CEP164: variants seen among roughly 807,000 people sequenced by gnomAD.
The protein encoded by CEP164 is centrosomal protein 164.
CEP164 carries 162 observed loss-of-function variants against 182.7 expected under a neutral mutation model. The observed-to-expected ratio is 0.89, with a 90% confidence interval of 0.78 to 1.01. CEP164 has a LOEUF of 1.01. CEP164 is among the 50% of genes least tolerant of loss of function. CEP164 has a pLI of 0.00. For missense variants in CEP164, 1,735 were observed against 1,790.4 expected, an observed-to-expected ratio of 0.97 and a Z score of 0.56; for synonymous variants, 661 against 690.0, an observed-to-expected ratio of 0.96 and a Z score of 0.66.
intron 4 of CEP164, among the ~76,000 whole-genome samples, chr11:117,346,331 C>T (rs1364831607): frequency 1.3e-5 from 2 of 151,842 alleles, no homozygotes; most frequent in African/African-American, 2.4e-5. Flanking sequence ...TGCAATGGCG[C>T]AATCTTGGCT....
chr11:117,322,601 A>G (rs2035287616), intron 1 of CEP164, among the ~76,000 whole-genome samples: 1 of 151,348 alleles, frequency 6.6e-6, no homozygotes, highest in South Asian at 2.1e-4. Context: ...TTGTTGCCCA[A>G]GCTGGAGTGC....
intron 8 of CEP164, among the ~76,000 whole-genome samples, chr11:117,367,014 GA>G (rs1265528842): frequency 6.6e-6 from 1 of 152,252 alleles, no homozygotes; most frequent in Non-Finnish European, 1.5e-5. Context: ...GGAGGAGACA[GA>G]AGGAATGTGA....
At chr11:117,351,264 CG>C (rs1438157489) in intron 4 of CEP164, among the ~76,000 whole-genome samples, 2 of 152,154 alleles carry the variant, frequency 1.3e-5, no homozygotes, top group African/African-American at 4.8e-5. Context: ...CTCCCGACCT[CG>C]GCCTCCCAAA....
intron 27 of CEP164, among the ~76,000 whole-genome samples, chr11:117,407,481 G>GAAAAAAAAAAAAAAAAAAAAAAAAAAAA (rs2046836799): frequency 9.1e-6 from 1 of 109,892 alleles, no homozygotes; most frequent in Admixed American, 9.7e-5. Flanking sequence ...AAAAAAAAAA[G>GAAAAAAAAAAAAAAAAAAAAAAAAAAAA]AGAAAAAGAA....
chr11:117,334,785 A>C (rs893172528), intron 1 of CEP164, among the ~76,000 whole-genome samples: 1 of 38,586 alleles, frequency 2.6e-5, no homozygotes, highest in East Asian at 1.7e-3. Context: ...ACTTCGTTTC[A>C]AAAAAAAAAA....
chr11:117,336,388 G>A, intron 2 of CEP164: 1 of 1,399,074 alleles, frequency 7.1e-7, no homozygotes, highest in South Asian at 1.2e-5. Flanking sequence ...GGCAGGCGGT[G>A]GGTATGGAGG....
At chr11:117,366,203 C>T (rs570700506) in intron 8 of CEP164, among the ~76,000 whole-genome samples, 37 of 152,122 alleles carry the variant, frequency 2.4e-4, no homozygotes, top group African/African-American at 8.7e-4. Flanking sequence ...CTGCTTGGTC[C>T]CTGCTCTTTG....
At position 117,351,868 on chromosome 11, in the gene CEP164, C is replaced by G. The variant is rs781358810; in HGVS notation, c.273C>G (p.His91Gln). ...QSMWDHPCDE[H>Q]YRSLVIQERA... ...TGTGGGACCATCCATGTGACGAACA[C>G]TATCGGAGCTTGGTGATCCAAGAGC... Residue 91 changes from histidine to glutamine, a missense_variant, in exon 5 of 33, where the codon CAC (histidine) becomes CAG (glutamine). His to Gln is a conservative substitution (Grantham distance 24). Coordinates refer to ENST00000278935, the MANE Select transcript of CEP164 (RefSeq NM_014956.5). The G allele has an allele frequency of 6.2e-7, 1 of 1,613,794 alleles. No individual in the cohort carries two copies. The highest frequency in any genetic ancestry group is 1.1e-5 in the South Asian group (1 of 91,058).
intron 3 of CEP164, among the ~76,000 whole-genome samples, chr11:117,339,522 GTTTTTTTTTTTT>G (rs61258101): frequency 3.6e-5 from 2 of 56,190 alleles, no homozygotes; most frequent in East Asian, 7.4e-4. Context: ...TTTGTTTTTT[GTTTTTTTTTTTT>G]TTTTTTTTTT....
At chr11:117,406,108 A>G (rs2046645931) in intron 27 of CEP164, among the ~76,000 whole-genome samples, 1 of 152,128 alleles carries the variant, frequency 6.6e-6, no homozygotes, top group Non-Finnish European at 1.5e-5. Context: ...CCTGGTACCA[A>G]CTTACTGTAT....
At chr11:117,358,988 A>C (rs2040628139) in intron 5 of CEP164, among the ~76,000 whole-genome samples, 1 of 148,196 alleles carries the variant, frequency 6.7e-6, no homozygotes, top group Non-Finnish European at 1.5e-5. Flanking sequence ...TCTGTAACCC[A>C]GGCTGGAGTG....
intron 5 of CEP164, 26 bp from the exon 6 acceptor site, chr11:117,361,809 G>A: frequency 6.2e-7 from 1 of 1,613,982 alleles, no homozygotes; most frequent in Non-Finnish European, 8.5e-7. Flanking sequence ...TTCTTGAGTT[G>A]TAACAAGATG....
intron 5 of CEP164, among the ~76,000 whole-genome samples, chr11:117,358,685 T>C (rs2040587839): frequency 6.6e-6 from 1 of 152,000 alleles, no homozygotes; most frequent in Admixed American, 6.6e-5. Context: ...TGTGTACCAC[T>C]ATACCCAGCT....
At chr11:117,362,674 T>A in intron 7 of CEP164, 136 bp downstream of exon 7, 1 of 913,598 alleles carries the variant, frequency 1.1e-6, no homozygotes, top group Non-Finnish European at 1.6e-6. Flanking sequence ...TAAAATTCAG[T>A]GGTATTAATT....
intron 14 of CEP164, among the ~76,000 whole-genome samples, chr11:117,384,309 A>G (rs1210956868): frequency 5.3e-5 from 8 of 152,212 alleles, no homozygotes; most frequent in African/African-American, 1.4e-4. Context: ...ATAACATTGC[A>G]GGAGTGGTGT....
At chr11:117,348,071 GCGA>G (rs1390587843) in intron 4 of CEP164, among the ~76,000 whole-genome samples, 5 of 152,048 alleles carry the variant, frequency 3.3e-5, no homozygotes, top group African/African-American at 1.2e-4. Context: ...CCGGGTTCAA[GCGA>G]TCCTCCCACC....
At chr11:117,354,161 C>T (rs1024268827) in intron 5 of CEP164, among the ~76,000 whole-genome samples, 1 of 151,924 alleles carries the variant, frequency 6.6e-6, no homozygotes, top group Non-Finnish European at 1.5e-5. Context: ...GGACTACAGG[C>T]GCCCACCACC....
At chr11:117,376,123 A>C (rs1453447100) in intron 11 of CEP164, among the ~76,000 whole-genome samples, 1 of 152,038 alleles carries the variant, frequency 6.6e-6, no homozygotes, top group Non-Finnish European at 1.5e-5. Flanking sequence ...TCCTCTTTAC[A>C]TGCCCAGCCC....
Position 117,395,683 on chromosome 11 carries a change from T to G in CEP164, c.3050T>G (p.Leu1017Arg). ...CTGAAGCTGGAGTCCCAAGTGGATC[T>G]GCTGCAGGCTCAGAGCCAGCAACTG... ...RKLKLESQVD[L>R]LQAQSQQLQK... Residue 1017 changes from leucine to arginine, a missense_variant, in exon 24 of 33, where the codon CTG becomes CGG. Leu to Arg is a moderately radical substitution (Grantham distance 102). Transcript: ENST00000278935. 1.9e-6 allele frequency: 3 copies of G among 1,613,196 alleles called. No homozygotes were observed. Among genetic ancestry groups the G allele is most frequent in the Non-Finnish European group, 2.5e-6 (3 of 1,179,960 alleles).
Sources: gnomAD v4.1 joint callset for allele counts (sites outside exome capture counted in the v4.1 genomes callset) on GRCh38, gnomAD v4.1.1 for gene constraint, MANE v1.5 for transcripts, NCBI Gene and HGNC (gene_info 2026-07-23, HGNC 2026-07-21) for gene names.